The following NAV2 variants were observed in gnomAD, a reference collection of about 807,000 sequenced individuals.
NAV2 encodes the protein helicase, APC down-regulated 1.
A neutral mutation model predicts 223.2 loss-of-function variants in NAV2; 54 were observed. The observed-to-expected ratio is 0.24, with a 90% CI of 0.19 to 0.30. The LOEUF (loss-of-function observed/expected upper bound fraction) is 0.30, where lower values mean the gene tolerates loss of function less well. NAV2 is among the 10% of genes least tolerant of loss of function. The pLI, the probability that NAV2 is intolerant of heterozygous loss-of-function variation, is 1.00. For missense variants in NAV2, 2,806 were observed against 3,147.5 expected, an observed-to-expected ratio of 0.89 and a Z score of 2.60; for synonymous variants, 1,279 against 1,239.3, an observed-to-expected ratio of 1.03 and a Z score of -0.67.
At chr11:20,037,370 T>TAAA (rs34272740) in intron 12 of NAV2, among the ~76,000 whole-genome samples, 1 of 140,358 alleles carries the variant, frequency 7.1e-6, no homozygotes, top group Non-Finnish European at 1.6e-5. Flanking sequence ...ACAATAGGGC[T>TAAA]AAAAAAAAAA....
chr11:19,527,867 C>T (rs1035546454), intron 1 of NAV2, among the ~76,000 whole-genome samples: 2 of 151,994 alleles, frequency 1.3e-5, no homozygotes, highest in East Asian at 1.9e-4. Flanking sequence ...GGGAATTCTA[C>T]AGACCTCCCT....
intron 5 of NAV2, among the ~76,000 whole-genome samples, chr11:19,892,052 A>G (rs1322517944): frequency 2.6e-5 from 4 of 152,164 alleles, no homozygotes; most frequent in Non-Finnish European, 5.9e-5. Context: ...TCTGCCTCCC[A>G]GGTTCAACTG....
intron 1 of NAV2, among the ~76,000 whole-genome samples, chr11:19,472,392 G>T (rs2041991333): frequency 6.6e-6 from 1 of 152,204 alleles, no homozygotes; most frequent in East Asian, 1.9e-4. Context: ...TTATAGAGTT[G>T]TCCCGAGAAT....
chr11:20,101,824 TG>T (rs1407454551), intron 32 of NAV2, among the ~76,000 whole-genome samples: 1 of 152,180 alleles, frequency 6.6e-6, no homozygotes, highest in Non-Finnish European at 1.5e-5. Flanking sequence ...AGCCGAGAGT[TG>T]GAAAGTGCTT....
intron 1 of NAV2, among the ~76,000 whole-genome samples, chr11:19,372,972 C>T (rs910193320): frequency 1.3e-5 from 2 of 152,214 alleles, no homozygotes; most frequent in African/African-American, 4.8e-5. Flanking sequence ...GAACTTTATT[C>T]TCTTTGAAAC....
At chr11:19,639,004 A>G (rs1011003807) in intron 1 of NAV2, among the ~76,000 whole-genome samples, 4 of 152,198 alleles carry the variant, frequency 2.6e-5, no homozygotes, top group African/African-American at 9.7e-5. Flanking sequence ...AATAAATAAT[A>G]ATAAAAATAA....
At chr11:19,352,434 TC>T (rs1402171176) in intron 1 of NAV2, among the ~76,000 whole-genome samples, 1 of 152,216 alleles carries the variant, frequency 6.6e-6, no homozygotes, top group Non-Finnish European at 1.5e-5. Context: ...TATGATGGCT[TC>T]TTTTTGGCTA....
chr11:19,648,808 A>T (rs1244723954), intron 1 of NAV2, among the ~76,000 whole-genome samples: 1 of 152,222 alleles, frequency 6.6e-6, no homozygotes, highest in Non-Finnish European at 1.5e-5. Flanking sequence ...ATTATTAGCT[A>T]GGTGTAGAGG....
intron 18 of NAV2, among the ~76,000 whole-genome samples, chr11:20,054,767 G>T (rs2058260218): frequency 6.6e-6 from 1 of 152,162 alleles, no homozygotes; most frequent in Non-Finnish European, 1.5e-5. Flanking sequence ...ATAATGCTTT[G>T]ACTGGCACAG....
intron 3 of NAV2, among the ~76,000 whole-genome samples, chr11:19,845,469 A>G (rs1386571146): frequency 6.6e-6 from 1 of 152,208 alleles, no homozygotes; most frequent in Non-Finnish European, 1.5e-5. Context: ...TAATCAGCAT[A>G]GAGTTAATGC....
rs73424396 is a variant in NAV2 at position 19,675,376 on chromosome 11, C to A, written c.76-157108C>A. ...CTTAAGGGCTCCCTTCTCAGAGAAG[C>A]CTTTCCTGCCCACCAGGACACATAC... is the stretch of plus-strand genomic sequence containing the variant. On this transcript the variant is annotated intron_variant, in intron 1 of 37. Transcript: ENST00000360655. Among the ~76,000 whole-genome samples, 809 of 152,278 alleles carry A rather than the reference C, an allele frequency of 5.3e-3. 4 individuals are homozygous for A. The highest frequency in any genetic ancestry group is 0.018 in the African/African-American group (768 of 41,550).
chr11:19,824,655 G>T (rs139087888), intron 1 of NAV2, among the ~76,000 whole-genome samples: 36 of 152,244 alleles, frequency 2.4e-4, no homozygotes, highest in African/African-American at 8.2e-4. Flanking sequence ...ACATTAAACC[G>T]TTAAGGAGAG....
chr11:19,999,297 C>A (rs569208291), intron 11 of NAV2, among the ~76,000 whole-genome samples: 1 of 152,204 alleles, frequency 6.6e-6, no homozygotes, highest in South Asian at 2.1e-4. Context: ...TCAAAAAAAT[C>A]GGGTTATTCA....
At chr11:19,869,498 T>G (rs1453414289) in intron 4 of NAV2, among the ~76,000 whole-genome samples, 8 of 152,216 alleles carry the variant, frequency 5.3e-5, no homozygotes, top group Non-Finnish European at 1.5e-5. Flanking sequence ...AGTTTTTAAT[T>G]AAATTTGGTG....
chr11:19,529,206 G>C (rs945065568), intron 1 of NAV2, among the ~76,000 whole-genome samples: 1 of 152,198 alleles, frequency 6.6e-6, no homozygotes, highest in Non-Finnish European at 1.5e-5. Flanking sequence ...ACTGTAGTCT[G>C]TTCCTTGGAT....
In NAV2 at chr11:20,049,005, G is replaced by T; in HGVS notation, c.4180G>T (p.Val1394Phe). The T allele has an allele frequency of 2.5e-6, 4 of 1,614,138 alleles. No homozygotes were observed. The South Asian group carries it at 3.3e-5, about 13-fold the overall frequency. ...WGTNASSSSA[V>F]SKDGLGFQSV... ...CACCAACGCCAGCAGCTCCTCCGCA[G>T]TTAGCAAGGATGGCCTGGGCTTTCA... is the stretch of plus-strand genomic sequence containing the variant. The change falls in exon 15 of 38, where the codon GTT (valine) becomes TTT (phenylalanine). Residue 1394 changes from valine to phenylalanine, a missense_variant. Val to Phe is a conservative substitution (Grantham distance 50). Transcript: ENST00000349880.
chr11:19,678,849 G>T (rs2048795566), intron 1 of NAV2, among the ~76,000 whole-genome samples: 1 of 152,204 alleles, frequency 6.6e-6, no homozygotes, highest in Non-Finnish European at 1.5e-5. Flanking sequence ...GAGAGGTGGG[G>T]CCTGTGGAGA....
At chr11:19,957,395 T>C (rs2047966130) in intron 10 of NAV2, among the ~76,000 whole-genome samples, 1 of 152,110 alleles carries the variant, frequency 6.6e-6, no homozygotes, top group Admixed American at 6.5e-5. Context: ...CTAGGTAGAG[T>C]GAGCAAGCGC....
chr11:19,397,396 A>AGTGTGTGTGTGTGTGTGTGTGTGT (rs1554919830), intron 1 of NAV2, among the ~76,000 whole-genome samples: 2 of 143,820 alleles, frequency 1.4e-5, no homozygotes, highest in African/African-American at 2.6e-5. Flanking sequence ...TTCTCTGGGG[A>AGTGTGTGTGTGTGTGTGTGTGTGT]GTGTGTGTGT....
Sources: gnomAD v4.1 joint callset for allele counts (sites outside exome capture counted in the v4.1 genomes callset) on GRCh38, gnomAD v4.1.1 for gene constraint, MANE v1.5 for transcripts, NCBI Gene and HGNC (gene_info 2026-07-23, HGNC 2026-07-21) for gene names.